The following SIDT1 variants were observed in gnomAD, a reference collection of about 807,000 sequenced individuals.
SIDT1 encodes the protein SID1 transmembrane family, member 1.
Under a neutral mutation model 107.5 loss-of-function variants are expected in SIDT1, and 101 were observed. That is an observed-to-expected ratio of 0.94 (90% CI 0.80 to 1.11). The LOEUF is 1.11. SIDT1 is among the 50% of genes least tolerant of loss of function. The probability of loss-of-function intolerance (pLI) is 0.00; values close to 1 mark genes in which losing one functional copy is unlikely to be tolerated. For missense variants in SIDT1, 1,076 were observed against 1,058.2 expected (o/e 1.02, Z -0.23); for synonymous variants, 395 against 398.2 (o/e 0.99, Z 0.10).
chr3:113,583,610 A>G (rs1327623511), intron 7 of SIDT1, 114 bp downstream of exon 7: 2 of 646,470 alleles, frequency 3.1e-6, no homozygotes, highest in African/African-American at 1.8e-5. Context: ...TTCCATCATC[A>G]TGATGGGAAA....
intron 17 of SIDT1, among the ~76,000 whole-genome samples, chr3:113,609,345 C>T (rs1945575604): frequency 6.6e-6 from 1 of 152,044 alleles, no homozygotes; most frequent in African/African-American, 2.4e-5. Context: ...GGATTACAGG[C>T]GTGAGCCACC....
rs575938440 is a variant in SIDT1 at position 113,591,806 on chromosome 3, A to G, written c.1002-1199A>G. Among the ~76,000 whole-genome samples the G allele has an allele frequency of 9.2e-5, 14 of 152,382 alleles. No homozygotes were observed. The South Asian group carries it at 2.9e-3, about 32-fold the overall frequency. On this transcript the variant is annotated intron_variant, in intron 9 of 24. Coordinates refer to ENST00000264852, the MANE Select transcript of SIDT1 (RefSeq NM_017699.3). ...CACTCCTAGCTATATACCCAAGATA[A>G]TTGAAAACATATGTCCACACAAAAA... is the stretch of plus-strand genomic sequence containing the variant.
chr3:113,553,035 G>A (rs938493440), intron 1 of SIDT1, among the ~76,000 whole-genome samples: 1 of 152,120 alleles, frequency 6.6e-6, no homozygotes, highest in African/African-American at 2.4e-5. Context: ...GATGTGACAG[G>A]GGGAAAAGCT....
chr3:113,572,433 T>TC (rs1457950022), intron 3 of SIDT1, among the ~76,000 whole-genome samples: 11 of 152,200 alleles, frequency 7.2e-5, no homozygotes, highest in African/African-American at 2.7e-4. Flanking sequence ...CCAACTTTGA[T>TC]CTTTAAGATG....
intron 3 of SIDT1, 127 bp from the exon 4 acceptor site, chr3:113,576,795 C>A (rs141089153): frequency 9.7e-5 from 95 of 978,118 alleles, no homozygotes; most frequent in Non-Finnish European, 1.4e-4. Context: ...GAACTCCCCT[C>A]ACCAAGGGTG....
chr3:113,586,029 T>A (rs1210910636), intron 9 of SIDT1, among the ~76,000 whole-genome samples: 1 of 152,208 alleles, frequency 6.6e-6, no homozygotes, highest in Non-Finnish European at 1.5e-5. Context: ...AAAGCCAGAA[T>A]TGAGTTTTGA....
intron 19 of SIDT1, among the ~76,000 whole-genome samples, chr3:113,613,563 C>T (rs1055672966): frequency 6.6e-6 from 1 of 152,202 alleles, no homozygotes; most frequent in Non-Finnish European, 1.5e-5. Context: ...TGAACATAGC[C>T]AGCATACCTC....
intron 9 of SIDT1, chr3:113,589,755 A>T (rs1272217240): frequency 6.6e-6 from 1 of 152,560 alleles, no homozygotes; most frequent in Non-Finnish European, 1.5e-5. Flanking sequence ...ACTGGTCTTG[A>T]ATTCCTGACC....
At chr3:113,630,289 C>T (rs1947080041), downstream of SIDT1, among the ~76,000 whole-genome samples, 1 of 152,172 alleles carries the variant, frequency 6.6e-6, no homozygotes, top group Admixed American at 6.5e-5. Flanking sequence ...TAAAAAATGA[C>T]CTCTTCACAC....
At chr3:113,584,950 C>A (rs1003969038) in intron 8 of SIDT1, among the ~76,000 whole-genome samples, 181 bp downstream of exon 8, 1 of 152,076 alleles carries the variant, frequency 6.6e-6, no homozygotes, top group Non-Finnish European at 1.5e-5. Flanking sequence ...AGAAAGGGAC[C>A]TCAATCGTGA....
At position 113,533,269 on chromosome 3, in the gene SIDT1, A is replaced by G. The variant is rs746519175; in HGVS notation, c.222+26A>G. 4 of 1,396,916 alleles carry G rather than the reference A, an allele frequency of 2.9e-6. No homozygotes were observed. The African/African-American group carries it at 6.0e-5, about 21-fold the overall frequency. 86.5% of individuals were successfully genotyped at this position (1,396,916 alleles called of 1,614,324 possible). A position where few individuals can be genotyped will look rare whatever the true frequency, so the allele number is the denominator to read the frequency against. ...GTAAGACACTCGCTCCCCTCGCTCG[A>G]CTCCTAGAACTTGCCAGATCTCAGA... On this transcript the variant is annotated intron_variant, in intron 1 of 24. Transcript: ENST00000264852.
At chr3:113,554,526 C>T (rs533285728) in intron 1 of SIDT1, among the ~76,000 whole-genome samples, 6 of 152,302 alleles carry the variant, frequency 3.9e-5, no homozygotes, top group South Asian at 4.2e-4. Flanking sequence ...CCCCTGTACA[C>T]GCTCTCTTGC....
At chr3:113,609,915 C>T (rs935018875) in intron 17 of SIDT1, among the ~76,000 whole-genome samples, 54 of 152,270 alleles carry the variant, frequency 3.5e-4, no homozygotes, top group African/African-American at 1.3e-3. Context: ...TCCTTCCTCC[C>T]CTAAAGGCAA....
intron 1 of SIDT1, 82 bp downstream of exon 1, chr3:113,533,325 ATTGACCTTG>A: frequency 1.7e-6 from 2 of 1,144,246 alleles, no homozygotes; most frequent in Non-Finnish European, 2.3e-6. Context: ...TCCCCTGGGA[ATTGACCTTG>A]GGAGACTTCG....
In SIDT1 at chr3:113,629,160, T is replaced by A. The variant is rs1202909211; in HGVS notation, c.*1452T>A. 1 of 152,266 alleles carries A rather than the reference T, an allele frequency of 6.6e-6. No individual in the cohort carries two copies. Among genetic ancestry groups the A allele is most frequent in the African/African-American group, 2.4e-5 (1 of 41,474 alleles). The allele number at this position is 152,266 out of a possible 1,614,324, so 9.4% of individuals were successfully genotyped here. ...TTAAATTATTATTCTTTCTCTAAAC[T>A]ATTTGCATTGTGTTCAAAAACCCAT... On this transcript the variant is annotated 3_prime_UTR_variant, in exon 25 of 25. Transcript: ENST00000264852.
chr3:113,570,442 G>A (rs1449487879), intron 3 of SIDT1, among the ~76,000 whole-genome samples: 1 of 142,362 alleles, frequency 7.0e-6, no homozygotes, highest in African/African-American at 2.7e-5. Context: ...TTGTAGGAAT[G>A]GTCTTCTGTA....
chr3:113,565,568 T>C (rs983909781), intron 1 of SIDT1, among the ~76,000 whole-genome samples: 1 of 152,164 alleles, frequency 6.6e-6, no homozygotes, highest in African/African-American at 2.4e-5. Flanking sequence ...ACACCAACAC[T>C]ATCTAAATCC....
At chr3:113,620,608 G>T (rs1946403533) in intron 21 of SIDT1, among the ~76,000 whole-genome samples, 5 of 152,142 alleles carry the variant, frequency 3.3e-5, no homozygotes, top group Admixed American at 2.0e-4. Flanking sequence ...CCTATCTGGG[G>T]GGCATGTGCT....
downstream of SIDT1, among the ~76,000 whole-genome samples, chr3:113,631,457 C>A (rs1477817265): frequency 6.6e-6 from 1 of 152,182 alleles, no homozygotes; most frequent in East Asian, 1.9e-4. Context: ...GTGCTTGAAG[C>A]AATGGAAAAT....
Sources: gnomAD v4.1 joint callset for allele counts (sites outside exome capture counted in the v4.1 genomes callset) on GRCh38, gnomAD v4.1.1 for gene constraint, MANE v1.5 for transcripts, NCBI Gene and HGNC (gene_info 2026-07-23, HGNC 2026-07-21) for gene names.